RBPJ: variants seen among roughly 807,000 people sequenced by gnomAD.
RBPJ encodes recombination signal binding protein for immunoglobulin kappa J region.
Under a neutral mutation model 67.8 loss-of-function variants are expected in RBPJ, and 9 were observed. The ratio of observed to expected loss-of-function variants is 0.13; its 90% confidence interval spans 0.08 to 0.23. The LOEUF is 0.23. Among genes scored for constraint, RBPJ ranks in the 10% least tolerant of loss-of-function variants. The pLI is 1.00. For missense variants in RBPJ, 305 were observed against 595.6 expected, an observed-to-expected ratio of 0.51 and a Z score of 5.08; for synonymous variants, 198 against 203.3, an observed-to-expected ratio of 0.97 and a Z score of 0.22.
At position 26,407,477 on chromosome 4, in the gene RBPJ, T is replaced by G. The variant is rs183426761; in HGVS notation, c.155+1207T>G. On this transcript the variant is annotated intron_variant, in intron 3 of 10. Transcript: ENST00000355476. ...TTATTTATTGTGGTATTCTATAAAT[T>G]TCCGCATTTTTTATGTTTAATTGGG... 6.6e-3 allele frequency among the ~76,000 whole-genome samples: 1,006 copies of G among 152,354 alleles called. 10 individuals are homozygous for G. The highest frequency in any genetic ancestry group is 0.017 in the Middle Eastern group (5 of 294).
At chr4:26,111,073 G>C in the RBPJ span, among the ~76,000 whole-genome samples, 9 of 152,192 alleles carry the variant, frequency 5.9e-5, no homozygotes, top group Admixed American at 1.3e-4. Flanking sequence ...AGCTCCCTTT[G>C]AGGATGACTC....
chr4:26,212,417 TTTTTC>T (rs202234603), intron 1 of RBPJ, among the ~76,000 whole-genome samples: 13 of 94,744 alleles, frequency 1.4e-4, no homozygotes, highest in South Asian at 1.1e-3. Flanking sequence ...TTCTCCTGCC[TTTTTC>T]TTTTCTTTTC....
At chr4:26,135,229 C>T in the RBPJ span, among the ~76,000 whole-genome samples, 3 of 152,146 alleles carry the variant, frequency 2.0e-5, no homozygotes, top group Non-Finnish European at 2.9e-5. Context: ...ACTGCACCTT[C>T]TTCCCTAATT....
chr4:26,324,275 A>AT (rs1577437841), intron 1 of RBPJ, among the ~76,000 whole-genome samples: 1 of 152,264 alleles, frequency 6.6e-6, no homozygotes, highest in East Asian at 1.9e-4. Flanking sequence ...CGATAGTGGG[A>AT]TTTTTTAAAA....
intron 2 of RBPJ, among the ~76,000 whole-genome samples, chr4:26,388,580 A>G (rs1178991751): frequency 6.7e-6 from 1 of 148,854 alleles, no homozygotes; most frequent in South Asian, 2.2e-4. Context: ...GAGGTTAAAT[A>G]GAGACATAGA....
chr4:26,210,619 T>G (rs972757492), intron 1 of RBPJ, among the ~76,000 whole-genome samples: 12 of 152,298 alleles, frequency 7.9e-5, no homozygotes, highest in African/African-American at 2.6e-4. Flanking sequence ...CATTTGTTCT[T>G]GATTACACTA....
intron 8 of RBPJ, among the ~76,000 whole-genome samples, chr4:26,429,265 A>C (rs1273881391): frequency 1.3e-5 from 2 of 152,254 alleles, no homozygotes; most frequent in Admixed American, 6.5e-5. Flanking sequence ...TTCCGAAGAT[A>C]GTAATGATGA....
chr4:26,385,634 G>A (rs1319591844), intron 1 of RBPJ, among the ~76,000 whole-genome samples: 1 of 152,044 alleles, frequency 6.6e-6, no homozygotes, highest in Admixed American at 6.6e-5. Flanking sequence ...TTAAAAATAG[G>A]CAAATTAAAT....
upstream of RBPJ, chr4:26,320,887 G>A (rs935071357): frequency 1.3e-6 from 2 of 1,582,938 alleles, no homozygotes; most frequent in Non-Finnish European, 1.7e-6. Context: ...GGCTCTTCGC[G>A]GCGGCGGCGA....
chr4:26,193,802 C>T (rs1717656578), intron 1 of RBPJ, among the ~76,000 whole-genome samples: 1 of 152,100 alleles, frequency 6.6e-6, no homozygotes, highest in South Asian at 2.1e-4. Context: ...CTCTTATGCT[C>T]AGAATGATGA....
At chr4:26,129,608 A>C in the RBPJ span, among the ~76,000 whole-genome samples, 1 of 152,178 alleles carries the variant, frequency 6.6e-6, no homozygotes, top group Non-Finnish European at 1.5e-5. Flanking sequence ...TGTCCCTTAC[A>C]ACTCTTAAAT....
chr4:26,227,154 G>A (rs1043827327), intron 1 of RBPJ, among the ~76,000 whole-genome samples: 1 of 152,178 alleles, frequency 6.6e-6, no homozygotes, highest in African/African-American at 2.4e-5. Flanking sequence ...AGCATGATTG[G>A]CAGCCATGTA....
rs1217744402 is a variant in RBPJ, at chr4:26,247,935, A to T, written c.-167+84321A>T. Among the ~76,000 whole-genome samples, 3 of 152,310 alleles carry T rather than the reference A, an allele frequency of 2.0e-5. No homozygotes were observed. In the East Asian group the frequency reaches 5.8e-4, roughly 29 times the overall value. ...TGGATTCAACAGAAGCCCGATCCTCAGCATCACACAATATATTCATGTAAC... is the reference window on the plus strand; with the variant it reads ...TGGATTCAACAGAAGCCCGATCCTCTGCATCACACAATATATTCATGTAAC... On this transcript the variant is annotated intron_variant, in intron 1 of 4. Transcript: ENST00000512351.
intron 1 of RBPJ, among the ~76,000 whole-genome samples, chr4:26,260,452 A>C (rs111734356): frequency 0.015 from 2,330 of 152,234 alleles, 61 homozygotes; most frequent in African/African-American, 0.054. Context: ...AATGCTCTTG[A>C]TCTTCAATTC....
At position 26,415,457 on chromosome 4, in the gene RBPJ, T is replaced by C. The variant is rs201811154; in HGVS notation, c.156-18T>C. 675 of 1,547,052 alleles carry C rather than the reference T, an allele frequency of 4.4e-4. 2 individuals carry two copies. Among genetic ancestry groups the C allele is most frequent in the East Asian group, 3.6e-3 (160 of 44,028 alleles). ...GATTTTTGCTTCTTGTTTTTTTTTTTCCCCTATTATTCTTCAGGTTTTTTT... is the reference window on the plus strand; with the variant it reads ...GATTTTTGCTTCTTGTTTTTTTTTTCCCCCTATTATTCTTCAGGTTTTTTT... On this transcript the variant is annotated intron_variant, in intron 3 of 10. Transcript: ENST00000355476.
At chr4:26,422,871 A>C (rs1312212449) in intron 5 of RBPJ, among the ~76,000 whole-genome samples, 1 of 152,198 alleles carries the variant, frequency 6.6e-6, no homozygotes, top group Admixed American at 6.5e-5. Context: ...ATCAGTGTTC[A>C]AATTTAAAAT....
chr4:26,415,320 A>G (rs1390261545), intron 3 of RBPJ, among the ~76,000 whole-genome samples, 155 bp from the exon 4 acceptor site: 1 of 152,150 alleles, frequency 6.6e-6, no homozygotes, highest in Non-Finnish European at 1.5e-5. Flanking sequence ...GGGCATGATT[A>G]TTTGCATTAC....
intron 1 of RBPJ, among the ~76,000 whole-genome samples, chr4:26,177,225 T>C (rs1716827176): frequency 6.6e-6 from 1 of 152,150 alleles, no homozygotes; most frequent in South Asian, 2.1e-4. Flanking sequence ...CTCTAGCTCG[T>C]CACTGGAGGA....
chr4:26,215,413 A>AAGGAAGGGAGGGAGGGGG, intron 1 of RBPJ, among the ~76,000 whole-genome samples: 2 of 68,686 alleles, frequency 2.9e-5, no homozygotes, highest in African/African-American at 1.1e-4. Context: ...GGGGGGAAGG[A>AAGGAAGGGAGGGAGGGGG]AGGAAGGGAG....
Sources: gnomAD v4.1 joint callset for allele counts (sites outside exome capture counted in the v4.1 genomes callset) on GRCh38, gnomAD v4.1.1 for gene constraint, MANE v1.5 for transcripts, NCBI Gene and HGNC (gene_info 2026-07-23, HGNC 2026-07-21) for gene names.